The following SND1 variants were observed in gnomAD, a reference collection of about 807,000 sequenced individuals.
The protein encoded by SND1 is staphylococcal nuclease domain-containing protein 1.
In SND1, 38 loss-of-function variants were observed where a neutral mutation model predicts 121.7. That is an observed-to-expected ratio of 0.31 (90% confidence interval 0.24 to 0.41). The LOEUF is 0.41. SND1 is among the 10% of genes least tolerant of loss of function. SND1 has a pLI of 1.00. For synonymous variants in SND1, 401 were observed against 447.4 expected (o/e 0.90, Z 1.31); for missense variants, 868 against 1,184.6 (o/e 0.73, Z 3.92).
chr7:127,662,678 A>C (rs1028251390), intron 1 of SND1, among the ~76,000 whole-genome samples: 2 of 152,022 alleles, frequency 1.3e-5, no homozygotes, highest in African/African-American at 4.8e-5. Context: ...TTTGTTTGGT[A>C]GTTTTATTTC....
intron 10 of SND1, among the ~76,000 whole-genome samples, chr7:127,728,670 C>T (rs1200905702): frequency 6.6e-6 from 1 of 152,220 alleles, no homozygotes; most frequent in East Asian, 1.9e-4. Context: ...GCAGGGTCTT[C>T]CCAGCTTCAT....
At chr7:127,727,333 G>T (rs952507440) in intron 10 of SND1, among the ~76,000 whole-genome samples, 3 of 152,170 alleles carry the variant, frequency 2.0e-5, no homozygotes, top group African/African-American at 7.2e-5. Context: ...TCAGAGGCAG[G>T]GTTATGTAAG....
chr7:127,817,167 G>T (rs1158744346), intron 11 of SND1, among the ~76,000 whole-genome samples: 3 of 152,178 alleles, frequency 2.0e-5, no homozygotes, highest in African/African-American at 4.8e-5. Flanking sequence ...GATGACATCT[G>T]TTGTATAAGA....
chr7:127,917,983 G>A (rs1800620206), intron 14 of SND1, among the ~76,000 whole-genome samples: 1 of 151,858 alleles, frequency 6.6e-6, no homozygotes, highest in Non-Finnish European at 1.5e-5. Context: ...AAACTAAAGG[G>A]ACAATTAGTT....
intron 13 of SND1, among the ~76,000 whole-genome samples, chr7:127,889,333 A>G (rs996339346): frequency 1.1e-4 from 16 of 151,598 alleles, no homozygotes; most frequent in African/African-American, 3.9e-4. Context: ...ATGATTTCTC[A>G]TGATCTTGGT....
At chr7:127,962,856 A>G (rs770213054) in intron 15 of SND1, among the ~76,000 whole-genome samples, 7 of 152,234 alleles carry the variant, frequency 4.6e-5, no homozygotes, top group African/African-American at 7.2e-5. Context: ...GCAATCAGGC[A>G]TAACATGTTC....
chr7:127,919,831 A>G (rs913817188), intron 14 of SND1, among the ~76,000 whole-genome samples: 15 of 152,198 alleles, frequency 9.9e-5, no homozygotes, highest in Non-Finnish European at 2.1e-4. Context: ...ACTTTTAACT[A>G]TTACAATTTA....
At chr7:127,926,555 T>TC (rs1563060526) in intron 14 of SND1, among the ~76,000 whole-genome samples, 2 of 137,706 alleles carry the variant, frequency 1.5e-5, no homozygotes, top group African/African-American at 5.5e-5. Context: ...TTTTCTTTTT[T>TC]TTTTTTTTTT....
chr7:127,681,324 T>C (rs79036030), intron 1 of SND1, among the ~76,000 whole-genome samples: 2,596 of 152,324 alleles, frequency 0.017, 93 homozygotes, highest in African/African-American at 0.059. Context: ...TTCAACTTAC[T>C]TTAATTGGGC....
intron 13 of SND1, among the ~76,000 whole-genome samples, chr7:127,902,797 A>G (rs967752145): frequency 6.6e-6 from 1 of 151,962 alleles, no homozygotes; most frequent in South Asian, 2.1e-4. Flanking sequence ...GCTCACTGCA[A>G]CCTCCACCTC....
intron 10 of SND1, among the ~76,000 whole-genome samples, chr7:127,788,699 A>G (rs1797857433): frequency 6.6e-6 from 1 of 152,152 alleles, no homozygotes; most frequent in African/African-American, 2.4e-5. Context: ...CTGTTGTCAT[A>G]TCTTCCTTCT....
rs1011556414 is a variant in SND1 at position 127,713,275 on chromosome 7, C to T, written c.1038+5628C>T. Among the ~76,000 whole-genome samples, 12 of 152,356 alleles carry T rather than the reference C, an allele frequency of 7.9e-5. No individual in the cohort carries two copies. The East Asian group carries it at 2.1e-3, about 27-fold the overall frequency. On this transcript the variant is annotated intron_variant, in intron 9 of 23. Transcript: ENST00000354725. ...GGATGGCCCTTGGGCCATAGTTTGCCAGCCTTTCTTGTAGAACACTGGATA... is the reference window on the plus strand; with the variant it reads ...GGATGGCCCTTGGGCCATAGTTTGCTAGCCTTTCTTGTAGAACACTGGATA...
chr7:127,657,529 A>G (rs1587572578), intron 1 of SND1, among the ~76,000 whole-genome samples: 3 of 152,218 alleles, frequency 2.0e-5, no homozygotes, highest in Middle Eastern at 3.4e-3. Flanking sequence ...GATTTCACTT[A>G]GTTGCCAGGC....
intron 10 of SND1, among the ~76,000 whole-genome samples, chr7:127,787,005 A>C (rs533164306): frequency 6.6e-6 from 1 of 152,320 alleles, no homozygotes; most frequent in South Asian, 2.1e-4. Context: ...GGAATGATTA[A>C]TGGATGTGAT....
At chr7:128,042,120 C>A (rs924796387) in intron 16 of SND1, among the ~76,000 whole-genome samples, 3 of 152,126 alleles carry the variant, frequency 2.0e-5, no homozygotes, top group Admixed American at 6.5e-5. Context: ...TGTATGGCAG[C>A]CCAGTGAGGC....
intron 11 of SND1, among the ~76,000 whole-genome samples, chr7:127,817,891 A>G (rs1798476825): frequency 6.6e-6 from 1 of 151,948 alleles, no homozygotes; most frequent in African/African-American, 2.4e-5. Context: ...TAGGGCAAAG[A>G]GCCTCTCTTG....
At chr7:128,041,678 G>A (rs3808056) in intron 16 of SND1, among the ~76,000 whole-genome samples, 95,769 of 152,020 alleles carry the variant, frequency 0.63, 30,774 homozygotes, top group African/African-American at 0.71. Flanking sequence ...GTCTATTCAT[G>A]TACATACTCT....
chr7:127,739,634 G>T (rs1796840247), intron 10 of SND1, among the ~76,000 whole-genome samples: 1 of 152,198 alleles, frequency 6.6e-6, no homozygotes, highest in South Asian at 2.1e-4. Context: ...AGGGCATATG[G>T]TGCATTAGTA....
intron 15 of SND1, among the ~76,000 whole-genome samples, chr7:127,968,023 A>G (rs1183803379): frequency 6.6e-6 from 1 of 152,204 alleles, no homozygotes; most frequent in East Asian, 1.9e-4. Context: ...AAGTGAGAAC[A>G]CTAAGGCTCT....
Sources: allele counts gnomAD v4.1 joint callset (sites outside exome capture counted in the v4.1 genomes callset), GRCh38; gene constraint gnomAD v4.1.1; transcripts MANE v1.5; gene names NCBI Gene and HGNC (gene_info 2026-07-23, HGNC 2026-07-21).